TNPO1: variants seen among roughly 807,000 people sequenced by gnomAD.
The protein encoded by TNPO1 is transportin 1, also known as transportin-1.
Under a neutral mutation model 119.5 loss-of-function variants are expected in TNPO1, and 8 were observed. The ratio of observed to expected loss-of-function variants is 0.07; its 90% confidence interval spans 0.04 to 0.12. The LOEUF is 0.12. Among genes scored for constraint, TNPO1 ranks in the 10% least tolerant of loss-of-function variants. The pLI, the probability that TNPO1 is intolerant of heterozygous loss-of-function variation, is 1.00. For synonymous variants in TNPO1, 362 were observed against 363.0 expected (o/e 1.00, Z 0.03); for missense variants, 576 against 1,089.8 (o/e 0.53, Z 6.64).
intron 9 of TNPO1, among the ~76,000 whole-genome samples, chr5:72,881,830 T>A (rs1748268044): frequency 6.6e-6 from 1 of 152,176 alleles, no homozygotes; most frequent in Admixed American, 6.5e-5. Flanking sequence ...CCAGAGACCC[T>A]CACCGTACCA....
intron 4 of TNPO1, among the ~76,000 whole-genome samples, chr5:72,856,149 A>C (rs574571015): frequency 1.3e-5 from 2 of 152,346 alleles, no homozygotes; most frequent in Admixed American, 1.3e-4. Flanking sequence ...AACTTAGCCT[A>C]ATCAGAGTTG....
At chr5:72,872,776 TTAGGTGATGC>T in intron 7 of TNPO1, 56 bp downstream of exon 7, 2 of 1,094,950 alleles carry the variant, frequency 1.8e-6, no homozygotes, top group South Asian at 3.0e-5. Context: ...TTTGAGAAGG[TTAGGTGATGC>T]TAACTGCATG....
In TNPO1 at chr5:72,848,459, C is replaced by T; in HGVS notation, c.90C>T (p.Ser30=). 1 of 1,611,834 alleles carries T rather than the reference C, an allele frequency of 6.2e-7. No individual in the cohort carries two copies. The highest frequency in any genetic ancestry group is 8.5e-7 in the Non-Finnish European group (1 of 1,178,864). ...LQQILQLLKE[S]QSPDTTIQRT... ...AAATCCTGCAGCTGTTGAAGGAGTCCCAGTCCCCAGACACCACCATCCAGA... is the reference window on the plus strand; with the variant it reads ...AAATCCTGCAGCTGTTGAAGGAGTCTCAGTCCCCAGACACCACCATCCAGA... The change falls in exon 2 of 25, where the codon TCC becomes TCT. Residue 30 remains serine (S), a synonymous_variant. Coordinates refer to ENST00000337273, the MANE Select transcript of TNPO1 (RefSeq NM_002270.4).
intron 24 of TNPO1, among the ~76,000 whole-genome samples, chr5:72,906,285 T>C (rs917695992): frequency 3.8e-5 from 4 of 104,778 alleles, no homozygotes; most frequent in African/African-American, 3.9e-5. Context: ...CTTTTTTTTT[T>C]TTTTTTTTTT....
At position 72,894,887 on chromosome 5, in the gene TNPO1, G is replaced by GTTTT. The variant is rs553058542; in HGVS notation, c.2143+1187_2143+1190dup. ...ATTCTCATATTTACCACCTAATTTA[G>GTTTT]TTTTTTAGTTGAAACTTATATGAAA... On this transcript the variant is annotated intron_variant, in intron 18 of 24. Transcript: ENST00000337273. Among the ~76,000 whole-genome samples, 23 of 152,094 alleles carry GTTTT rather than the reference G, an allele frequency of 1.5e-4. No homozygotes were observed. In the South Asian group the frequency reaches 4.8e-3, roughly 32 times the overall value.
At chr5:72,839,801 T>C (rs563803967) in intron 1 of TNPO1, among the ~76,000 whole-genome samples, 27 of 152,286 alleles carry the variant, frequency 1.8e-4, no homozygotes, top group Non-Finnish European at 3.4e-4. Context: ...TTCCCAGTAA[T>C]TATAATGTGT....
chr5:72,912,591 A>G lies in TNPO1; in HGVS notation c.*3918A>G, dbSNP rs1048050893. ...CTGATTTTTTTCCTAATATTCTAGC[A>G]GGCTGGGGTGGTATAAAGCCCTCCT... On this transcript the variant is annotated 3_prime_UTR_variant, in exon 25 of 25. Coordinates refer to ENST00000337273, the MANE Select transcript of TNPO1 (RefSeq NM_002270.4). 2.6e-5 allele frequency: 4 copies of G among 152,422 alleles called. No individual in the cohort carries two copies. Among genetic ancestry groups the G allele is most frequent in the Admixed American group, 6.6e-5 (1 of 15,258 alleles). 9.4% of individuals were successfully genotyped at this position (152,422 alleles called of 1,614,324 possible).
At chr5:72,847,413 A>T (rs1745176935) in intron 1 of TNPO1, among the ~76,000 whole-genome samples, 1 of 152,188 alleles carries the variant, frequency 6.6e-6, no homozygotes, top group Non-Finnish European at 1.5e-5. Context: ...TAGCTTTAAA[A>T]ACCTATATTC....
chr5:72,827,116 A>G lies in TNPO1; in HGVS notation c.15+10364A>G, dbSNP rs1049797838. On this transcript the variant is annotated intron_variant, in intron 1 of 24. Transcript: ENST00000337273. ...TCTGAAAGAGGGGAAGGAGTGAGCA[A>G]TGTGAATATGGGGGAAAGAGCATGC... 3.9e-5 allele frequency among the ~76,000 whole-genome samples: 6 copies of G among 152,118 alleles called. No homozygotes were observed. In the East Asian group the frequency reaches 1.2e-3, roughly 29 times the overall value.
Position 72,861,832 on chromosome 5 carries a change from C to T in TNPO1, c.380C>T (p.Ser127Phe), listed in dbSNP as rs200553704. Residue 127 changes from serine to phenylalanine, a missense_variant, in exon 5 of 25, where the codon TCC (serine) becomes TTC (phenylalanine). Transcript: ENST00000337273. Reference sequence around the variant, plus strand: ...GGTATTTTGATCACAACTATAGCCTCCAAGGGAGAATTGCAGAATTGGCCT... The same window carrying T: ...GGTATTTTGATCACAACTATAGCCTTCAAGGGAGAATTGCAGAATTGGCCT... ...TVGILITTIA[S>F]KGELQNWPDL... The T allele has an allele frequency of 1.2e-4, 188 of 1,613,704 alleles. No individual in the cohort carries two copies. Among genetic ancestry groups the T allele is most frequent in the Non-Finnish European group, 1.4e-4 (169 of 1,179,762 alleles).
chr5:72,883,008 A>C, intron 10 of TNPO1, 56 bp from the exon 11 acceptor site: 1 of 1,212,052 alleles, frequency 8.3e-7, no homozygotes, highest in South Asian at 1.2e-5. Flanking sequence ...TTACTCATGT[A>C]CATACTATTA....
chr5:72,909,325 A>G lies in TNPO1; in HGVS notation c.*652A>G, dbSNP rs984937718. The G allele has an allele frequency of 2.6e-5, 4 of 152,384 alleles. No individual in the cohort carries two copies. Among genetic ancestry groups the G allele is most frequent in the African/African-American group, 9.7e-5 (4 of 41,396 alleles). 9.4% of individuals were successfully genotyped at this position (152,384 alleles called of 1,614,324 possible). On this transcript the variant is annotated 3_prime_UTR_variant, in exon 25 of 25. Coordinates refer to ENST00000337273, the MANE Select transcript of TNPO1 (RefSeq NM_002270.4). The stretch of plus-strand genomic sequence containing the variant: ...GAAATAAAACAAAACAAACATAAAC[A>G]ATGAAGCACCCTGTGAAATGCCAAA...
chr5:72,848,830 G>T (rs1193813950), intron 2 of TNPO1, among the ~76,000 whole-genome samples: 1 of 150,166 alleles, frequency 6.7e-6, no homozygotes, highest in African/African-American at 2.4e-5. Flanking sequence ...CCCGCCCGCC[G>T]CTGACCTGCC....
At chr5:72,841,723 C>T (rs1474065040) in intron 1 of TNPO1, among the ~76,000 whole-genome samples, 1 of 152,134 alleles carries the variant, frequency 6.6e-6, no homozygotes, top group Non-Finnish European at 1.5e-5. Flanking sequence ...TCATTAGGTG[C>T]CTGTAAACTT....
chr5:72,843,583 G>C (rs1745004889), intron 1 of TNPO1, among the ~76,000 whole-genome samples: 1 of 142,278 alleles, frequency 7.0e-6, no homozygotes, highest in Non-Finnish European at 1.5e-5. Flanking sequence ...GACAGAGCAA[G>C]ATTCCGTCTC....
intron 18 of TNPO1, among the ~76,000 whole-genome samples, chr5:72,895,724 T>C (rs919143093): frequency 6.6e-6 from 1 of 152,244 alleles, no homozygotes; most frequent in African/African-American, 2.4e-5. Flanking sequence ...AATAAATTAC[T>C]ATCCTGAGGT....
At chr5:72,870,895 T>G (rs1747343214) in intron 6 of TNPO1, among the ~76,000 whole-genome samples, 1 of 152,216 alleles carries the variant, frequency 6.6e-6, no homozygotes, top group Admixed American at 6.5e-5. Flanking sequence ...TGCCAAGTAC[T>G]TAACATATAT....
intron 1 of TNPO1, among the ~76,000 whole-genome samples, chr5:72,841,415 G>C (rs1171055332): frequency 6.6e-6 from 1 of 152,030 alleles, no homozygotes; most frequent in Admixed American, 6.5e-5. Flanking sequence ...ACCGCGCCCG[G>C]CTCATTATAG....
intron 1 of TNPO1, among the ~76,000 whole-genome samples, chr5:72,828,929 A>G (rs1033063993): frequency 1.3e-5 from 2 of 152,224 alleles, no homozygotes; most frequent in African/African-American, 4.8e-5. Flanking sequence ...AGGAAGAGCA[A>G]GAAAAGTAAA....
Sources: allele counts gnomAD v4.1 joint callset (sites outside exome capture counted in the v4.1 genomes callset), GRCh38; gene constraint gnomAD v4.1.1; transcripts MANE v1.5; gene names NCBI Gene and HGNC (gene_info 2026-07-23, HGNC 2026-07-21).